Variants in MDGA2 observed in about 807,000 individuals in gnomAD.
MDGA2 encodes the protein MAM domain-containing glycosylphosphatidylinositol anchor protein 2.
MDGA2 carries 40 observed loss-of-function variants against 117.8 expected under a neutral mutation model. The ratio of observed to expected loss-of-function variants is 0.34; its 90% CI spans 0.26 to 0.44. The LOEUF (loss-of-function observed/expected upper bound fraction) is 0.44. Ranked by LOEUF, MDGA2 falls within the 20% of genes least tolerant of loss-of-function variation. The pLI, the probability that MDGA2 is intolerant of heterozygous loss-of-function variation, is 1.00. For missense variants in MDGA2, 1,123 were observed against 1,250.6 expected (o/e 0.90, Z 1.54); for synonymous variants, 452 against 439.0 (o/e 1.03, Z -0.37).
chr14:47,642,016 A>C (rs1306760904), intron 1 of MDGA2, among the ~76,000 whole-genome samples: 3 of 152,228 alleles, frequency 2.0e-5, no homozygotes, highest in Middle Eastern at 3.4e-3. Flanking sequence ...TACAGTGCTT[A>C]ATTACCTCAT....
At chr14:47,178,173 T>C (rs534427237) in intron 3 of MDGA2, among the ~76,000 whole-genome samples, 1 of 152,186 alleles carries the variant, frequency 6.6e-6, no homozygotes, top group Middle Eastern at 3.2e-3. Context: ...ATATTAAAAT[T>C]CATTTGAAAA....
chr14:47,568,125 T>C (rs1439699760), intron 1 of MDGA2, among the ~76,000 whole-genome samples: 1 of 152,146 alleles, frequency 6.6e-6, no homozygotes, highest in East Asian at 1.9e-4. Context: ...GCGAGGTTAT[T>C]AAAGTTAGAA....
chr14:47,383,067 T>A (rs1165242100), intron 1 of MDGA2, among the ~76,000 whole-genome samples: 1 of 152,186 alleles, frequency 6.6e-6, no homozygotes, highest in Non-Finnish European at 1.5e-5. Flanking sequence ...ACATGGATGA[T>A]GCTGGAAACC....
intron 10 of MDGA2, among the ~76,000 whole-genome samples, chr14:46,909,937 T>A (rs1170639080): frequency 1.3e-5 from 2 of 152,120 alleles, no homozygotes; most frequent in African/African-American, 4.8e-5. Context: ...TTGCAGATAT[T>A]TTTATATTTT....
At chr14:47,548,577 GT>G (rs1191322110) in intron 1 of MDGA2, among the ~76,000 whole-genome samples, 1 of 152,124 alleles carries the variant, frequency 6.6e-6, no homozygotes, top group East Asian at 1.9e-4. Flanking sequence ...GAACCAGTAA[GT>G]TTCTTAGCTT....
intron 8 of MDGA2, among the ~76,000 whole-genome samples, chr14:47,031,133 A>G (rs1055508463): frequency 2.0e-5 from 3 of 151,888 alleles, no homozygotes; most frequent in African/African-American, 7.2e-5. Context: ...CCTTTTAAAC[A>G]TAACATTAGC....
chr14:47,460,066 A>G (rs1893450542), intron 1 of MDGA2, among the ~76,000 whole-genome samples: 1 of 152,170 alleles, frequency 6.6e-6, no homozygotes, highest in Admixed American at 6.5e-5. Context: ...AAATATTTTC[A>G]TTGATCTGAT....
At chr14:46,871,343 C>A (rs1469127045) in intron 14 of MDGA2, 1 of 151,964 alleles carries the variant, frequency 6.6e-6, no homozygotes, top group East Asian at 1.9e-4. Context: ...AATCTTCCAA[C>A]AAGTGTTCCT....
intron 7 of MDGA2, among the ~76,000 whole-genome samples, chr14:47,051,192 G>A (rs1889444745): frequency 6.6e-6 from 1 of 151,880 alleles, no homozygotes; most frequent in South Asian, 2.1e-4. Flanking sequence ...AGTGAACACA[G>A]TATATATGCT....
chr14:47,268,902 T>C (rs1227136586), intron 2 of MDGA2, among the ~76,000 whole-genome samples: 2 of 151,858 alleles, frequency 1.3e-5, no homozygotes, highest in South Asian at 4.2e-4. Flanking sequence ...TAGCAAAATA[T>C]GATTTAAATA....
At chr14:47,143,463 T>A (rs1355444289) in intron 4 of MDGA2, among the ~76,000 whole-genome samples, 1 of 152,142 alleles carries the variant, frequency 6.6e-6, no homozygotes, top group Non-Finnish European at 1.5e-5. Flanking sequence ...ACTTATTAAT[T>A]CCTTACTCTT....
intron 1 of MDGA2, among the ~76,000 whole-genome samples, chr14:47,428,584 T>C (rs903732183): frequency 6.6e-6 from 1 of 152,086 alleles, no homozygotes; most frequent in Non-Finnish European, 1.5e-5. Context: ...TACATATATG[T>C]TTTGTATTCT....
At chr14:47,384,365 C>T (rs1305444614) in intron 1 of MDGA2, among the ~76,000 whole-genome samples, 2 of 151,142 alleles carry the variant, frequency 1.3e-5, no homozygotes, top group African/African-American at 4.9e-5. Flanking sequence ...GATACTAAAC[C>T]TCATAATAAT....
chr14:47,403,848 A>C (rs895931681), intron 1 of MDGA2, among the ~76,000 whole-genome samples: 1 of 152,120 alleles, frequency 6.6e-6, no homozygotes, highest in African/African-American at 2.4e-5. Context: ...TTTCCTCTGA[A>C]GCCCACTCTA....
At chr14:47,359,983 G>C (rs1891081183) in intron 1 of MDGA2, among the ~76,000 whole-genome samples, 1 of 152,024 alleles carries the variant, frequency 6.6e-6, no homozygotes, top group African/African-American at 2.4e-5. Context: ...AGCTGATAAA[G>C]GGTTAATAAC....
At chr14:47,563,861 T>G (rs182404604) in intron 1 of MDGA2, among the ~76,000 whole-genome samples, 1 of 152,118 alleles carries the variant, frequency 6.6e-6, no homozygotes, top group Admixed American at 6.6e-5. Context: ...CACTGGTTTA[T>G]GTACTGTATG....
chr14:46,967,187 G>A (rs999649576), intron 8 of MDGA2, among the ~76,000 whole-genome samples: 10 of 152,116 alleles, frequency 6.6e-5, no homozygotes, highest in Non-Finnish European at 8.8e-5. Context: ...CTTCAATCAC[G>A]TACAGTTGAA....
intron 3 of MDGA2, among the ~76,000 whole-genome samples, chr14:47,145,439 G>A (rs1443970832): frequency 6.6e-6 from 1 of 152,016 alleles, no homozygotes; most frequent in Non-Finnish European, 1.5e-5. Context: ...GCCAACCCCT[G>A]ATATGGCATA....
chr14:47,137,634 G>A (rs1882521020), intron 4 of MDGA2, among the ~76,000 whole-genome samples: 2 of 152,084 alleles, frequency 1.3e-5, no homozygotes, highest in Non-Finnish European at 2.9e-5. Flanking sequence ...CATGCTTCCT[G>A]TACAGTCTGC....
Sources: gnomAD v4.1 joint callset for allele counts (sites outside exome capture counted in the v4.1 genomes callset) on GRCh38, gnomAD v4.1.1 for gene constraint, MANE v1.5 for transcripts, NCBI Gene and HGNC (gene_info 2026-07-23, HGNC 2026-07-21) for gene names.